BICD1: variants seen among roughly 807,000 people sequenced by gnomAD.
BICD1 encodes BICD cargo adaptor 1, also known as protein bicaudal D homolog 1.
Under a neutral mutation model 92.5 loss-of-function variants are expected in BICD1, and 35 were observed. The ratio of observed to expected loss-of-function variants is 0.38; its 90% CI spans 0.29 to 0.50. BICD1 has a LOEUF of 0.50. Among genes scored for constraint, BICD1 ranks in the 20% least tolerant of loss-of-function variants. BICD1 has a pLI of 0.93. For missense variants in BICD1, 950 were observed against 1,189.8 expected (o/e 0.80, Z 2.97); for synonymous variants, 429 against 465.1 (o/e 0.92, Z 1.00).
At chr12:32,117,756 A>ATTTTT (rs1401761768) in intron 1 of BICD1, among the ~76,000 whole-genome samples, 18 of 108,356 alleles carry the variant, frequency 1.7e-4, no homozygotes, top group African/African-American at 5.8e-4. Flanking sequence ...ATATATATAT[A>ATTTTT]TATTTTTTTT....
intron 2 of BICD1, among the ~76,000 whole-genome samples, chr12:32,247,860 G>C: frequency 6.6e-6 from 1 of 150,646 alleles, no homozygotes. Flanking sequence ...CAAGGCAGGC[G>C]GATCACCTGA....
At chr12:32,168,105 A>G (rs1943827063) in intron 1 of BICD1, among the ~76,000 whole-genome samples, 1 of 152,002 alleles carries the variant, frequency 6.6e-6, no homozygotes, top group Non-Finnish European at 1.5e-5. Flanking sequence ...GCTTGTTACT[A>G]TGATTGAAAG....
rs1182588953 is a variant in BICD1 at position 32,335,269 on chromosome 12, C to G, written c.2252+602C>G. 2.0e-5 allele frequency among the ~76,000 whole-genome samples: 3 copies of G among 152,018 alleles called. No individual in the cohort carries two copies. The East Asian group carries it at 5.8e-4, about 30-fold the overall frequency. On this transcript the variant is annotated intron_variant, in intron 6 of 9. Coordinates refer to ENST00000652176, the MANE Select transcript of BICD1 (RefSeq NM_001714.4). ...GGGTTCTAGCGATTCTCCTGCCTCA[C>G]CCTCCCGAGTAGCTGGGAATACAGG... is the stretch of plus-strand genomic sequence containing the variant.
chr12:32,196,529 C>T (rs1426813903), intron 1 of BICD1, among the ~76,000 whole-genome samples: 1 of 152,164 alleles, frequency 6.6e-6, no homozygotes, highest in Non-Finnish European at 1.5e-5. Flanking sequence ...AAGCCAAACA[C>T]AGCAAGACAA....
At chr12:32,357,011 G>C (rs913209031) in intron 8 of BICD1, among the ~76,000 whole-genome samples, 1 of 109,408 alleles carries the variant, frequency 9.1e-6, no homozygotes, top group East Asian at 2.6e-4. Context: ...AGATTCTCCT[G>C]CTTTTTTTTT....
chr12:32,140,955 C>T (rs1279301196), intron 1 of BICD1, among the ~76,000 whole-genome samples: 1 of 152,172 alleles, frequency 6.6e-6, no homozygotes, highest in Non-Finnish European at 1.5e-5. Flanking sequence ...TTCCGTAGAA[C>T]GTACGTGTTT....
At chr12:32,181,862 AAACCTGATCTAG>A (rs1362512258) in intron 1 of BICD1, among the ~76,000 whole-genome samples, 1 of 152,126 alleles carries the variant, frequency 6.6e-6, no homozygotes, top group East Asian at 1.9e-4. Context: ...AGCAAAAGCA[AAACCTGATCTAG>A]AAGTCCCTGT....
intron 1 of BICD1, among the ~76,000 whole-genome samples, chr12:32,135,087 C>CCCCTTCCCCTCT (rs1942686600): frequency 1.6e-5 from 1 of 63,284 alleles, no homozygotes; most frequent in Admixed American, 2.4e-4. Flanking sequence ...CCGCTCCCCT[C>CCCCTTCCCCTCT]CTTTATTTTT....
chr12:32,325,774 A>T (rs1006305078), intron 4 of BICD1, among the ~76,000 whole-genome samples: 1 of 152,062 alleles, frequency 6.6e-6, no homozygotes, highest in African/African-American at 2.4e-5. Flanking sequence ...TGATCCAGGA[A>T]GTTTGAAAGT....
In BICD1 at chr12:32,345,270, G is replaced by C. The variant is rs541078147; in HGVS notation, c.2764+6291G>C. Among the ~76,000 whole-genome samples the C allele has an allele frequency of 2.1e-5, 3 of 141,776 alleles. No individual in the cohort carries two copies. The Admixed American group carries it at 2.2e-4, about 10-fold the overall frequency. The allele number at this position is 141,776 out of a possible 152,430, so 93.0% of individuals were successfully genotyped here. ...CCAGCGAGTGATGGAGTGAGACCCT[G>C]TCTCAGAAAAAAAAAAAAAAAGAAG... On this transcript the variant is annotated intron_variant, in intron 8 of 9. Coordinates refer to ENST00000652176, the MANE Select transcript of BICD1 (RefSeq NM_001714.4).
chr12:32,188,120 T>A (rs1944470234), intron 1 of BICD1, among the ~76,000 whole-genome samples: 1 of 152,138 alleles, frequency 6.6e-6, no homozygotes, highest in African/African-American at 2.4e-5. Context: ...TGTATTTTTG[T>A]AGAGACGGGG....
Position 32,114,952 on chromosome 12 carries a change from A to C in BICD1, c.213+7408A>C, listed in dbSNP as rs530530296. On this transcript the variant is annotated intron_variant, in intron 1 of 9. Transcript: ENST00000652176. The stretch of plus-strand genomic sequence containing the variant: ...CACTGCTCACTGACTAATCTTTATC[A>C]ATCTTATTTAATCTTTATTGAAGAT... Among the ~76,000 whole-genome samples, 217 of 152,302 alleles carry C rather than the reference A, an allele frequency of 1.4e-3. 2 individuals carry two copies. Among genetic ancestry groups the C allele is most frequent in the Admixed American group, 2.0e-3 (30 of 15,302 alleles).
intron 1 of BICD1, among the ~76,000 whole-genome samples, chr12:32,139,123 T>A (rs1942822699): frequency 6.6e-6 from 1 of 152,212 alleles, no homozygotes; most frequent in Admixed American, 6.5e-5. Context: ...TGCTGTTATT[T>A]AGCAGCTGTG....
intron 3 of BICD1, among the ~76,000 whole-genome samples, chr12:32,295,095 A>AAG (rs1555164512): frequency 5.0e-4 from 58 of 116,514 alleles, no homozygotes; most frequent in Non-Finnish European, 9.4e-4. Flanking sequence ...AAAAAAAAAA[A>AAG]AAAAGAAAAA....
intron 2 of BICD1, among the ~76,000 whole-genome samples, chr12:32,244,076 T>TTTTTTTTTTTTTTTTTTTTTTTTTTA (rs1565613579): frequency 1.3e-5 from 2 of 152,138 alleles, no homozygotes; most frequent in African/African-American, 4.8e-5. Context: ...ACTCATTCTT[T>TTTTTTTTTTTTTTTTTTTTTTTTTTA]ATCTGCTATT....
chr12:32,258,618 G>A (rs548985025), intron 2 of BICD1, among the ~76,000 whole-genome samples: 14 of 152,154 alleles, frequency 9.2e-5, no homozygotes, highest in African/African-American at 3.4e-4. Flanking sequence ...ACGGGGCAGG[G>A]TAAGGAGGGT....
At chr12:32,239,749 C>G (rs980656108) in intron 2 of BICD1, among the ~76,000 whole-genome samples, 1 of 151,486 alleles carries the variant, frequency 6.6e-6, no homozygotes, top group African/African-American at 2.4e-5. Flanking sequence ...GCTGGGATTA[C>G]AGGCATGCAC....
At chr12:32,374,031 T>G (rs918956379) in intron 9 of BICD1, among the ~76,000 whole-genome samples, 2 of 151,318 alleles carry the variant, frequency 1.3e-5, no homozygotes, top group African/African-American at 4.9e-5. Context: ...CTGGGCAACA[T>G]GGTGAAACTC....
chr12:32,290,543 C>T (rs528646830), intron 2 of BICD1, among the ~76,000 whole-genome samples: 1 of 152,300 alleles, frequency 6.6e-6, no homozygotes, highest in Non-Finnish European at 1.5e-5. Context: ...CTCTTTTGGA[C>T]CAGGCTTCAA....
Sources: allele counts gnomAD v4.1 joint callset (sites outside exome capture counted in the v4.1 genomes callset), GRCh38; gene constraint gnomAD v4.1.1; transcripts MANE v1.5; gene names NCBI Gene and HGNC (gene_info 2026-07-23, HGNC 2026-07-21).